Variants in ITIH5 observed in about 807,000 individuals in gnomAD.
ITIH5 encodes the protein inter-alpha-trypsin inhibitor heavy chain H5.
A neutral mutation model predicts 77.5 loss-of-function variants in ITIH5; 65 were observed. The observed-to-expected ratio is 0.84, with a 90% CI of 0.69 to 1.03. The LOEUF (loss-of-function observed/expected upper bound fraction) is 1.03, where lower values mean the gene tolerates loss of function less well. ITIH5 is among the 50% of genes least tolerant of loss of function. The probability of loss-of-function intolerance (pLI) is 0.00; values close to 1 mark genes in which losing one functional copy is unlikely to be tolerated. For synonymous variants in ITIH5, 525 were observed against 494.3 expected (o/e 1.06, Z -0.82); for missense variants, 1,208 against 1,213.1 (o/e 1.00, Z 0.06).
intron 5 of ITIH5, among the ~76,000 whole-genome samples, chr10:7,624,911 A>ATGTG: frequency 7.0e-6 from 1 of 143,074 alleles, no homozygotes; most frequent in Admixed American, 7.1e-5. Context: ...ATACATATAT[A>ATGTG]TATATATATA....
chr10:7,644,994 T>A (rs944999808), intron 2 of ITIH5, among the ~76,000 whole-genome samples: 1 of 148,434 alleles, frequency 6.7e-6, no homozygotes. Context: ...GAGGATGGAC[T>A]TGAACACCAA....
At chr10:7,619,688 C>T (rs766746882) in intron 5 of ITIH5, 34 of 232,056 alleles carry the variant, frequency 1.5e-4, no homozygotes, top group Non-Finnish European at 3.0e-4. Context: ...AACTGGGAAG[C>T]GCCGGACTTT....
At chr10:7,609,732 C>G (rs1480049350) in intron 7 of ITIH5, among the ~76,000 whole-genome samples, 1 of 152,128 alleles carries the variant, frequency 6.6e-6, no homozygotes, top group African/African-American at 2.4e-5. Flanking sequence ...AGAATTGGCA[C>G]AGAGGGACAC....
At position 7,660,212 on chromosome 10, in the gene ITIH5, A is replaced by G. The variant is rs550904864; in HGVS notation, c.91-4537T>C. On this transcript the variant is annotated intron_variant, in intron 1 of 13. Transcript: ENST00000397146. ...TATGCTCACGAAAGCACAATAGACA[A>G]AGTGAGTTTTATAAGTTACAAAAGA... is the stretch of plus-strand genomic sequence containing the variant. Among the ~76,000 whole-genome samples, 3 of 152,344 alleles carry G rather than the reference A, an allele frequency of 2.0e-5. No homozygotes were observed. The South Asian group carries it at 6.2e-4, about 32-fold the overall frequency.
At chr10:7,613,586 T>C (rs1430442070) in intron 7 of ITIH5, among the ~76,000 whole-genome samples, 1 of 152,226 alleles carries the variant, frequency 6.6e-6, no homozygotes, top group African/African-American at 2.4e-5. Context: ...AAATATTTTC[T>C]TTAGCTTCCC....
chr10:7,614,265 T>C (rs186681395), intron 7 of ITIH5, among the ~76,000 whole-genome samples: 150 of 152,296 alleles, frequency 9.8e-4, no homozygotes, highest in African/African-American at 3.5e-3. Flanking sequence ...CAGGTTGCGC[T>C]CTGGACGAGC....
chr10:7,612,079 G>T (rs566289905), intron 7 of ITIH5, among the ~76,000 whole-genome samples: 2 of 152,060 alleles, frequency 1.3e-5, no homozygotes, highest in East Asian at 3.8e-4. Flanking sequence ...AAATGAATTG[G>T]TACTCTTTGC....
At chr10:7,577,034 G>A (rs10458803) in intron 9 of ITIH5, 22 bp from the exon 10 acceptor site, 859,348 of 1,585,254 alleles carry the variant, frequency 0.54, 235,392 homozygotes, top group East Asian at 0.77. Context: ...GCACAGGGAG[G>A]GAGGGAGATC....
chr10:7,566,435 G>T (rs1342570223), intron 12 of ITIH5, 28 bp from the exon 13 acceptor site: 2 of 1,567,788 alleles, frequency 1.3e-6, no homozygotes, highest in African/African-American at 1.3e-5. Context: ...AAAGAAGAAG[G>T]TTAGAAAATC....
intron 7 of ITIH5, among the ~76,000 whole-genome samples, chr10:7,602,009 C>T (rs771802347): frequency 1.7e-4 from 26 of 152,096 alleles, no homozygotes; most frequent in Non-Finnish European, 2.9e-4. Flanking sequence ...CGTGCCACCA[C>T]GCAGGGCTAA....
At position 7,637,316 on chromosome 10, in the gene ITIH5, G is replaced by A. The variant is rs145591081; in HGVS notation, c.564C>T (p.Asp188=). Residue 188 remains aspartate (D), a synonymous_variant, in exon 5 of 14, where the codon GAC becomes GAT. Transcript: ENST00000397146. The stretch of plus-strand genomic sequence containing the variant: ...TGCCCGCGCTCTCCAGGATATTCAC[G>A]TCCACGCTCAGCCTCCCGGACAGCT... The part of the protein sequence containing the change: ...PQQLSGRLSV[D]VNILESAGIA... The A allele has an allele frequency of 1.2e-5, 19 of 1,613,728 alleles. No individual in the cohort carries two copies. In the East Asian group the frequency reaches 2.7e-4, roughly 23 times the overall value.
rs869139058 is a variant in ITIH5 at position 7,627,827 on chromosome 10, C to CTTTTTTTTTTTT, written c.652+9389_652+9400dup. On this transcript the variant is annotated intron_variant, in intron 5 of 13. Transcript: ENST00000397146. ...GAATCTCACAGAACATGAAATTAACCTTTTTTTTTTTTTTTTTTTTTTTTT... is the reference window on the plus strand; with the variant it reads ...GAATCTCACAGAACATGAAATTAACCTTTTTTTTTTTTTTTTTTTTTTTTTTTTTTTTTTTTT... 3.3e-5 allele frequency among the ~76,000 whole-genome samples: 3 copies of CTTTTTTTTTTTT among 90,838 alleles called. 1 individual carries two copies. The highest frequency in any genetic ancestry group is 1.5e-4 in the African/African-American group (3 of 20,260). The allele number at this position is 90,838 out of a possible 152,430, so 59.6% of individuals were successfully genotyped here. A position where few individuals can be genotyped will look rare whatever the true frequency, so the allele number is the denominator to read the frequency against.
intron 5 of ITIH5, chr10:7,619,673 G>C (rs960925438): frequency 3.7e-6 from 1 of 272,720 alleles, no homozygotes; most frequent in Non-Finnish European, 8.0e-6. Flanking sequence ...AGGAGCGAGA[G>C]ACAGAACTGG....
chr10:7,653,604 C>CAGGGTGAA (rs1834135123), intron 2 of ITIH5, among the ~76,000 whole-genome samples: 1 of 152,046 alleles, frequency 6.6e-6, no homozygotes. Context: ...GGATTGTGTA[C>CAGGGTGAA]AGGGTGAAAA....
intron 7 of ITIH5, among the ~76,000 whole-genome samples, chr10:7,603,995 C>T (rs972056267): frequency 8.5e-5 from 13 of 152,110 alleles, no homozygotes; most frequent in Non-Finnish European, 1.8e-4. Context: ...GGGGCTTTAT[C>T]CGGGGGAATC....
intron 2 of ITIH5, among the ~76,000 whole-genome samples, chr10:7,645,179 G>A (rs1313609217): frequency 6.6e-6 from 1 of 151,900 alleles, no homozygotes; most frequent in Non-Finnish European, 1.5e-5. Flanking sequence ...AAAACGTTAG[G>A]GGGATGTGCA....
chr10:7,610,203 G>A (rs1007696646), intron 7 of ITIH5, among the ~76,000 whole-genome samples: 5 of 151,086 alleles, frequency 3.3e-5, no homozygotes, highest in African/African-American at 4.9e-5. Context: ...AAAAGCACAC[G>A]GGAGGGAAAA....
At chr10:7,654,957 A>C (rs1588430891) in intron 2 of ITIH5, among the ~76,000 whole-genome samples, 3 of 112,746 alleles carry the variant, frequency 2.7e-5, no homozygotes, top group African/African-American at 6.3e-5. Context: ...AAAACCAAGC[A>C]AAAAAAAAAT....
At position 7,566,223 on chromosome 10, in the gene ITIH5, A is replaced by T. The variant is rs904196635; in HGVS notation, c.2334T>A (p.Ser778Arg). ...GDRLVLPCNQ[S>R]VVVGSWGLEV... is the part of the protein sequence containing the mutation. ...CCAGCCCCCAGCTCCCCACCACCAC[A>T]CTCTGGTTGCAGGGGAGCACCAGTC... Residue 778 changes from serine (S) to arginine (R), a missense_variant, in exon 13 of 14, where the codon AGT becomes AGA. By Grantham distance (110) the Ser-to-Arg change is moderately radical (BLOSUM62 -1). Coordinates refer to ENST00000397146, the MANE Select transcript of ITIH5 (RefSeq NM_030569.7). 6.2e-7 allele frequency: 1 copy of T among 1,613,338 alleles called. No homozygotes were observed.
Sources: allele counts gnomAD v4.1 joint callset (sites outside exome capture counted in the v4.1 genomes callset), GRCh38; gene constraint gnomAD v4.1.1; transcripts MANE v1.5; gene names NCBI Gene and HGNC (gene_info 2026-07-23, HGNC 2026-07-21).